NDFIP1: variants seen among roughly 807,000 people sequenced by gnomAD.
NDFIP1 encodes the protein NEDD4 family-interacting protein 1.
Under a neutral mutation model 28.8 loss-of-function variants are expected in NDFIP1, and 7 were observed. The observed-to-expected ratio is 0.24, with a 90% confidence interval of 0.14 to 0.46. The LOEUF (loss-of-function observed/expected upper bound fraction) is 0.46. Ranked by LOEUF, NDFIP1 falls within the 20% of genes least tolerant of loss-of-function variation. NDFIP1 has a pLI of 0.99. For missense variants in NDFIP1, 194 were observed against 269.1 expected, an observed-to-expected ratio of 0.72 and a Z score of 1.95; for synonymous variants, 92 against 101.0, an observed-to-expected ratio of 0.91 and a Z score of 0.53.
intron 1 of NDFIP1, among the ~76,000 whole-genome samples, chr5:142,129,558 T>G (rs1757204780): frequency 6.6e-6 from 1 of 152,136 alleles, no homozygotes; most frequent in Non-Finnish European, 1.5e-5. Flanking sequence ...GCTTTTGTAG[T>G]ATTAGTCAGA....
intron 1 of NDFIP1, among the ~76,000 whole-genome samples, chr5:142,114,484 A>G (rs1596780768): frequency 6.6e-6 from 1 of 152,198 alleles, no homozygotes; most frequent in East Asian, 1.9e-4. Context: ...GGAAATTTCA[A>G]ACACATACAA....
At chr5:142,143,768 A>G (rs1432826064) in intron 6 of NDFIP1, 1 of 152,236 alleles carries the variant, frequency 6.6e-6, no homozygotes, top group African/African-American at 2.4e-5. Context: ...TGGGAGGCTG[A>G]GACAGGAGAA....
intron 5 of NDFIP1, 91 bp downstream of exon 5, chr5:142,137,949 G>GTT: frequency 6.9e-7 from 1 of 1,456,846 alleles, no homozygotes; most frequent in East Asian, 2.3e-5. Flanking sequence ...TTTTTTAAAA[G>GTT]TTATTTCAGT....
At chr5:142,132,823 T>C (rs1391176953) in intron 3 of NDFIP1, among the ~76,000 whole-genome samples, 1 of 152,220 alleles carries the variant, frequency 6.6e-6, no homozygotes, top group Non-Finnish European at 1.5e-5. Flanking sequence ...TCAGATTCCA[T>C]CTAGCCTGAT....
chr5:142,150,471 A>G (rs541791519), intron 7 of NDFIP1, among the ~76,000 whole-genome samples: 1 of 152,068 alleles, frequency 6.6e-6, no homozygotes. Context: ...AAAAATGTTG[A>G]TAATATTAAA....
intron 1 of NDFIP1, among the ~76,000 whole-genome samples, chr5:142,116,968 C>T (rs1158371545): frequency 1.3e-5 from 2 of 152,126 alleles, no homozygotes; most frequent in Non-Finnish European, 2.9e-5. Context: ...ATCTCTGCCT[C>T]CCAAAGTGCT....
chr5:142,150,031 A>G (rs1757428662), intron 7 of NDFIP1, among the ~76,000 whole-genome samples: 1 of 152,018 alleles, frequency 6.6e-6, no homozygotes, highest in Non-Finnish European at 1.5e-5. Flanking sequence ...AATACAAAAA[A>G]TCAGCTGGGT....
intron 5 of NDFIP1, among the ~76,000 whole-genome samples, chr5:142,139,317 T>A (rs1172390799): frequency 1.3e-5 from 2 of 151,936 alleles, no homozygotes; most frequent in African/African-American, 4.8e-5. Flanking sequence ...TAGAAAAAAA[T>A]TTTTAATTGT....
In NDFIP1 at chr5:142,108,895, C is replaced by T; in HGVS notation, c.-80C>T. The T allele has an allele frequency of 7.8e-7, 1 of 1,276,006 alleles. No homozygotes were observed. Among genetic ancestry groups the T allele is most frequent in the Non-Finnish European group, 1.0e-6 (1 of 994,010 alleles). The allele number at this position is 1,276,006 out of a possible 1,614,324, so 79.0% of individuals were successfully genotyped here. On this transcript the variant is annotated 5_prime_UTR_variant, in exon 1 of 8. Coordinates refer to ENST00000253814, the MANE Select transcript of NDFIP1 (RefSeq NM_030571.4). ...CCCAAGGCGCGTCCCCCTCGGCCTC[C>T]CAGCGCTCCCAAGCCGCAGCGGCCG...
chr5:142,141,409 T>C (rs78458615), intron 6 of NDFIP1, among the ~76,000 whole-genome samples: 4,814 of 151,774 alleles, frequency 0.032, 197 homozygotes, highest in Admixed American at 0.12. Context: ...ATCTCCTGAC[T>C]TTGTGATCCG....
At chr5:142,141,369 G>A (rs1757328510) in intron 6 of NDFIP1, among the ~76,000 whole-genome samples, 1 of 151,466 alleles carries the variant, frequency 6.6e-6, no homozygotes, top group Non-Finnish European at 1.5e-5. Flanking sequence ...GTAGAGACGG[G>A]GTTTTACCGT....
chr5:142,143,621 C>G (rs960836020), intron 6 of NDFIP1: 2 of 152,076 alleles, frequency 1.3e-5, no homozygotes, highest in African/African-American at 4.8e-5. Flanking sequence ...AGGGGCATAT[C>G]ACCTCTCTGC....
At chr5:142,116,580 G>A (rs958214284) in intron 1 of NDFIP1, among the ~76,000 whole-genome samples, 5 of 152,050 alleles carry the variant, frequency 3.3e-5, no homozygotes, top group Non-Finnish European at 7.4e-5. Context: ...TGTTGGCCAG[G>A]CTAGTCTCGA....
rs145213921 is a variant in NDFIP1 at position 142,132,322 on chromosome 5, A to G, written c.262A>G (p.Ile88Val). The change falls in exon 3 of 8, where the codon ATC becomes GTC. Residue 88 changes from isoleucine (I) to valine (V), a missense_variant. Coordinates refer to ENST00000253814, the MANE Select transcript of NDFIP1 (RefSeq NM_030571.4). ...EAERTKAEAT[I>V]PLVPGRDEDF... ...GGAGAGGACCAAGGCTGAAGCTACT[A>G]TCCCTTTGGTTCCTGGGAGAGTGAG... is the stretch of plus-strand genomic sequence containing the variant. The G allele has an allele frequency of 1.2e-6, 2 of 1,613,868 alleles. No homozygotes were observed. The highest frequency in any genetic ancestry group is 1.3e-5 in the African/African-American group (1 of 74,918).
intron 3 of NDFIP1, among the ~76,000 whole-genome samples, chr5:142,133,024 C>T (rs1333658627): frequency 6.6e-6 from 1 of 152,204 alleles, no homozygotes; most frequent in African/African-American, 2.4e-5. Context: ...ATGCGGGGAC[C>T]ATCAGGCCTC....
At chr5:142,109,548 A>G (rs1054434159) in intron 1 of NDFIP1, among the ~76,000 whole-genome samples, 1 of 152,178 alleles carries the variant, frequency 6.6e-6, no homozygotes, top group Non-Finnish European at 1.5e-5. Flanking sequence ...GTTTTAAGAC[A>G]AAAGTAAAAA....
At chr5:142,144,345 A>G (rs1331377891) in intron 6 of NDFIP1, 5 of 351,774 alleles carry the variant, frequency 1.4e-5, no homozygotes, top group African/African-American at 6.3e-5. Flanking sequence ...GACCAATTCA[A>G]TTCTGAATGT....
At chr5:142,145,482 T>A (rs1198372039) in intron 7 of NDFIP1, among the ~76,000 whole-genome samples, 3 of 152,096 alleles carry the variant, frequency 2.0e-5, no homozygotes, top group Non-Finnish European at 4.4e-5. Flanking sequence ...GGGGACTGTG[T>A]TAATCATAGA....
At chr5:142,126,392 TAAAG>T (rs769751930) in intron 1 of NDFIP1, among the ~76,000 whole-genome samples, 2 of 152,192 alleles carry the variant, frequency 1.3e-5, no homozygotes, top group Non-Finnish European at 2.9e-5. Flanking sequence ...TTTAATAACT[TAAAG>T]AAGGGACTTG....
Sources: allele counts gnomAD v4.1 joint callset (sites outside exome capture counted in the v4.1 genomes callset), GRCh38; gene constraint gnomAD v4.1.1; transcripts MANE v1.5; gene names NCBI Gene and HGNC (gene_info 2026-07-23, HGNC 2026-07-21).